SUCLG2: variants seen among roughly 807,000 people sequenced by gnomAD.
The protein encoded by SUCLG2 is succinate--CoA ligase [GDP-forming] subunit beta, mitochondrial.
A neutral mutation model predicts 47.9 loss-of-function variants in SUCLG2; 42 were observed. That is an observed-to-expected ratio of 0.88 (90% CI 0.69 to 1.14). The LOEUF (loss-of-function observed/expected upper bound fraction) is 1.14, where lower values mean the gene tolerates loss of function less well. Among genes scored for constraint, SUCLG2 ranks in the 50% most tolerant of loss-of-function variants. The probability of loss-of-function intolerance (pLI) is 0.00; values close to 1 mark genes in which losing one functional copy is unlikely to be tolerated. For missense variants in SUCLG2, 571 were observed against 525.9 expected (o/e 1.09, Z -0.84); for synonymous variants, 195 against 197.3 (o/e 0.99, Z 0.10).
At chr3:67,579,766 C>T (rs776732920) in intron 2 of SUCLG2, among the ~76,000 whole-genome samples, 5 of 152,168 alleles carry the variant, frequency 3.3e-5, no homozygotes, top group East Asian at 1.9e-4. Context: ...ATAAAGTCCA[C>T]GTCAGATATC....
At chr3:67,536,513 C>T (rs1408862800) in intron 2 of SUCLG2, among the ~76,000 whole-genome samples, 1 of 152,198 alleles carries the variant, frequency 6.6e-6, no homozygotes, top group African/African-American at 2.4e-5. Flanking sequence ...CTGGACCATA[C>T]TCCTGCCAGT....
chr3:67,546,021 C>T (rs1029860569), intron 2 of SUCLG2, among the ~76,000 whole-genome samples: 2 of 152,200 alleles, frequency 1.3e-5, no homozygotes, highest in African/African-American at 4.8e-5. Context: ...CTTTCTTGGA[C>T]TGTTTTCAAA....
At chr3:67,569,796 T>C (rs1707560697) in intron 2 of SUCLG2, among the ~76,000 whole-genome samples, 1 of 152,190 alleles carries the variant, frequency 6.6e-6, no homozygotes, top group South Asian at 2.1e-4. Flanking sequence ...TTAGAGCTGA[T>C]GCTAGATGGG....
Position 67,654,552 on chromosome 3 carries a change from A to G in SUCLG2, c.35T>C (p.Leu12Pro), listed in dbSNP as rs1214226900. Residue 12 changes from leucine to proline, a missense_variant, in exon 1 of 11, where the codon CTT becomes CCT. Leu to Pro is a moderately conservative substitution (Grantham distance 98). Transcript: ENST00000307227. ...GGGCCGCAGCGCTAGGGCTCGCAGA[A>G]GCTTCCCGGCCTGCGCTGCTACGGG... ...ASPVAAQAGK[L>P]LRALALRPRF... 10 of 1,270,990 alleles carry G rather than the reference A, an allele frequency of 7.9e-6. No homozygotes were observed. Among genetic ancestry groups the G allele is most frequent in the Non-Finnish European group, 9.9e-6 (10 of 1,005,974 alleles). The allele number at this position is 1,270,990 out of a possible 1,614,324, so 78.7% of individuals were successfully genotyped here.
intron 9 of SUCLG2, among the ~76,000 whole-genome samples, chr3:67,403,641 A>G (rs753737033): frequency 1.3e-5 from 2 of 152,174 alleles, no homozygotes; most frequent in Non-Finnish European, 2.9e-5. Context: ...GCGGTGATGC[A>G]GGCTGCTGAC....
At chr3:67,649,588 A>G (rs555905360) in intron 1 of SUCLG2, among the ~76,000 whole-genome samples, 58 of 151,040 alleles carry the variant, frequency 3.8e-4, no homozygotes, top group African/African-American at 1.3e-3. Context: ...CACTACAACT[A>G]CTCTCCCCCT....
chr3:67,590,859 C>T (rs1378711796), intron 2 of SUCLG2, among the ~76,000 whole-genome samples: 2 of 152,100 alleles, frequency 1.3e-5, no homozygotes, highest in African/African-American at 4.8e-5. Context: ...AGTTTCACAT[C>T]TTTCCAGAAG....
chr3:67,652,688 G>A (rs991255921), intron 1 of SUCLG2, among the ~76,000 whole-genome samples: 1 of 152,170 alleles, frequency 6.6e-6, no homozygotes, highest in African/African-American at 2.4e-5. Flanking sequence ...TTTTCATGAG[G>A]AAGTATATAC....
chr3:67,427,169 G>A (rs547551014), intron 9 of SUCLG2, among the ~76,000 whole-genome samples: 1 of 152,244 alleles, frequency 6.6e-6, no homozygotes, highest in Non-Finnish European at 1.5e-5. Flanking sequence ...TGTATTTTAT[G>A]TTATCACTCT....
chr3:67,590,409 A>C (rs1319456797), intron 2 of SUCLG2, among the ~76,000 whole-genome samples: 1 of 152,034 alleles, frequency 6.6e-6, no homozygotes, highest in Non-Finnish European at 1.5e-5. Flanking sequence ...TGTAATTCCC[A>C]ATGTTGGAGG....
chr3:67,464,804 T>C (rs1487948951), intron 9 of SUCLG2, among the ~76,000 whole-genome samples: 1 of 152,180 alleles, frequency 6.6e-6, no homozygotes, highest in Non-Finnish European at 1.5e-5. Flanking sequence ...TGAGACAATA[T>C]ATAGAAGTAG....
intron 2 of SUCLG2, among the ~76,000 whole-genome samples, chr3:67,592,611 A>G (rs920800613): frequency 6.6e-6 from 1 of 151,836 alleles, no homozygotes; most frequent in Non-Finnish European, 1.5e-5. Context: ...AGCATCCCCA[A>G]ATAGTCTGGG....
chr3:67,426,715 G>A (rs906976272), intron 9 of SUCLG2, among the ~76,000 whole-genome samples: 7 of 152,116 alleles, frequency 4.6e-5, no homozygotes, highest in Non-Finnish European at 8.8e-5. Flanking sequence ...AGATCACGAG[G>A]TCAGGAGATC....
intron 1 of SUCLG2, among the ~76,000 whole-genome samples, chr3:67,635,039 G>A (rs1225807708): frequency 6.6e-6 from 1 of 152,160 alleles, no homozygotes; most frequent in East Asian, 1.9e-4. Flanking sequence ...GTCACGTAAG[G>A]AGAGCTCAGA....
At chr3:67,426,039 A>G (rs1179921799) in intron 9 of SUCLG2, among the ~76,000 whole-genome samples, 1 of 152,252 alleles carries the variant, frequency 6.6e-6, no homozygotes, top group Admixed American at 6.5e-5. Flanking sequence ...CACTTAATAT[A>G]TGACACAATT....
intron 9 of SUCLG2, among the ~76,000 whole-genome samples, chr3:67,438,390 C>G (rs189570721): frequency 2.1e-4 from 32 of 151,884 alleles, no homozygotes; most frequent in African/African-American, 7.0e-4. Flanking sequence ...CAGAGCAGAA[C>G]TGAAGGAGAT....
intron 6 of SUCLG2, among the ~76,000 whole-genome samples, chr3:67,516,888 T>C (rs573975194): frequency 1.3e-5 from 2 of 152,302 alleles, no homozygotes; most frequent in East Asian, 3.9e-4. Context: ...TGACCACCAC[T>C]GCTACAGGAG....
intron 5 of SUCLG2, 107 bp downstream of exon 5, chr3:67,520,374 AT>A: frequency 6.6e-7 from 1 of 1,504,374 alleles, no homozygotes. Flanking sequence ...CTTACCTTAA[AT>A]TGTAGAGACA....
intron 9 of SUCLG2, among the ~76,000 whole-genome samples, chr3:67,455,508 G>A (rs1575707632): frequency 1.3e-5 from 2 of 152,162 alleles, no homozygotes; most frequent in African/African-American, 4.8e-5. Flanking sequence ...ATTTCTTCCT[G>A]CTCCTAAAAA....
Sources: gnomAD v4.1 joint callset for allele counts (sites outside exome capture counted in the v4.1 genomes callset) on GRCh38, gnomAD v4.1.1 for gene constraint, MANE v1.5 for transcripts, NCBI Gene and HGNC (gene_info 2026-07-23, HGNC 2026-07-21) for gene names.